PGBD5: variants seen among roughly 807,000 people sequenced by gnomAD.
PGBD5 encodes the protein piggyBac transposable element-derived protein 5.
Under a neutral mutation model 47.9 loss-of-function variants are expected in PGBD5, and 14 were observed. That is an observed-to-expected ratio of 0.29 (90% confidence interval 0.19 to 0.46). PGBD5 has a LOEUF of 0.46. PGBD5 is among the 20% of genes least tolerant of loss of function. The pLI is 1.00. For synonymous variants in PGBD5, 316 were observed against 306.3 expected (o/e 1.03, Z -0.33); for missense variants, 635 against 716.0 (o/e 0.89, Z 1.29).
chr1:230,416,335 ATT>A (rs1450481316), intron 1 of PGBD5, among the ~76,000 whole-genome samples: 2 of 152,042 alleles, frequency 1.3e-5, no homozygotes, highest in Non-Finnish European at 2.9e-5. Context: ...GCTTGTGAAC[ATT>A]TTTTACCGGC....
chr1:230,413,304 T>A (rs1442707092), intron 1 of PGBD5, among the ~76,000 whole-genome samples: 2 of 152,080 alleles, frequency 1.3e-5, no homozygotes, highest in Non-Finnish European at 2.9e-5. Flanking sequence ...CTATTCTGTC[T>A]CAGAGGGAGA....
chr1:230,394,203 G>A (rs964241452), intron 1 of PGBD5, among the ~76,000 whole-genome samples: 4 of 151,912 alleles, frequency 2.6e-5, no homozygotes, highest in Non-Finnish European at 5.9e-5. Context: ...TCTCAGGCCT[G>A]AGGACCAGGG....
At chr1:230,363,729 G>A (rs1667785301) in intron 1 of PGBD5, among the ~76,000 whole-genome samples, 1 of 152,134 alleles carries the variant, frequency 6.6e-6, no homozygotes, top group African/African-American at 2.4e-5. Context: ...GATATAGATA[G>A]AATCAATTAA....
intron 3 of PGBD5, among the ~76,000 whole-genome samples, chr1:230,345,877 G>A (rs1667466509): frequency 6.6e-6 from 1 of 152,164 alleles, no homozygotes; most frequent in Admixed American, 6.5e-5. Flanking sequence ...CTCTTTGGTA[G>A]GTTAGGTGTA....
chr1:230,364,786 C>A (rs1441897647), intron 1 of PGBD5, among the ~76,000 whole-genome samples: 2 of 152,186 alleles, frequency 1.3e-5, no homozygotes, highest in African/African-American at 4.8e-5. Flanking sequence ...GTTGGGAGGC[C>A]AAGGTGGATG....
At position 230,316,473 on chromosome 1, in the gene PGBD5, C is replaced by T. The variant is rs1455595995; in HGVS notation, c.*6952G>A. The T allele has an allele frequency of 6.6e-6, 1 of 152,236 alleles. No homozygotes were observed. The highest frequency in any genetic ancestry group is 1.5e-5 in the Non-Finnish European group (1 of 68,052). 9.4% of individuals were successfully genotyped at this position (152,236 alleles called of 1,614,324 possible). A position where few individuals can be genotyped will look rare whatever the true frequency, so the allele number is the denominator to read the frequency against. On this transcript the variant is annotated 3_prime_UTR_variant, in exon 7 of 7. Coordinates refer to ENST00000391860, the MANE Select transcript of PGBD5 (RefSeq NM_001258311.2). ...GGACTGCATCCCCTGCTTCCATCCC[C>T]TGTTCATTCCTTCCGTGGTCTACCC...
chr1:230,377,486 A>C lies in PGBD5; in HGVS notation c.332-20165T>G, dbSNP rs1209186884. The C allele has an allele frequency of 2.5e-6, 4 of 1,612,356 alleles. No homozygotes were observed. In the Admixed American group the frequency reaches 6.7e-5, roughly 27 times the overall value. ...GCCCAGAGCTGGAAGGGCCTTACTA[A>C]GACAGCTGTACCTGTGAATGAATCG... On this transcript the variant is annotated intron_variant, in intron 1 of 6. Coordinates refer to ENST00000391860, the MANE Select transcript of PGBD5 (RefSeq NM_001258311.2).
chr1:230,330,734 C>T (rs1558190939), intron 5 of PGBD5, among the ~76,000 whole-genome samples: 1 of 150,464 alleles, frequency 6.6e-6, no homozygotes, highest in Non-Finnish European at 1.5e-5. Context: ...GGGGAGGGGA[C>T]CAGGGTCCCT....
chr1:230,332,101 C>CA (rs1206893737), intron 5 of PGBD5, among the ~76,000 whole-genome samples: 2 of 120,518 alleles, frequency 1.7e-5, no homozygotes, highest in Non-Finnish European at 3.2e-5. Flanking sequence ...TGTGAGAGCA[C>CA]AAATCTGCAC....
At chr1:230,359,642 C>A (rs148809050) in intron 1 of PGBD5, among the ~76,000 whole-genome samples, 5 of 152,286 alleles carry the variant, frequency 3.3e-5, no homozygotes, top group African/African-American at 1.2e-4. Context: ...CACAGGAATA[C>A]CTACTTTGAA....
At chr1:230,344,700 G>A (rs1037401101) in intron 3 of PGBD5, among the ~76,000 whole-genome samples, 1 of 152,164 alleles carries the variant, frequency 6.6e-6, no homozygotes, top group Non-Finnish European at 1.5e-5. Context: ...ATGTGTGCAG[G>A]GGGTAGGAAG....
At chr1:230,339,010 C>A (rs994218822) in intron 3 of PGBD5, among the ~76,000 whole-genome samples, 2 of 152,150 alleles carry the variant, frequency 1.3e-5, no homozygotes, top group African/African-American at 2.4e-5. Flanking sequence ...TCCTTCTCAT[C>A]AACACCCACA....
chr1:230,417,807 G>A (rs1430126061), intron 1 of PGBD5, among the ~76,000 whole-genome samples: 1 of 152,160 alleles, frequency 6.6e-6, no homozygotes, highest in Non-Finnish European at 1.5e-5. Flanking sequence ...GAACCCCAGG[G>A]GACATGTCTA....
chr1:230,391,318 G>A (rs983632192), intron 1 of PGBD5, among the ~76,000 whole-genome samples: 5 of 152,274 alleles, frequency 3.3e-5, no homozygotes, highest in Admixed American at 6.5e-5. Context: ...CAGAAATTGC[G>A]CATGGGATTA....
At chr1:230,343,325 T>G (rs1022605470) in intron 3 of PGBD5, among the ~76,000 whole-genome samples, 1 of 152,206 alleles carries the variant, frequency 6.6e-6, no homozygotes, top group African/African-American at 2.4e-5. Flanking sequence ...TACACACTCA[T>G]GTCTGTGCAG....
chr1:230,335,910 CAA>C (rs1420234225), intron 4 of PGBD5, among the ~76,000 whole-genome samples: 2 of 150,602 alleles, frequency 1.3e-5, no homozygotes, highest in African/African-American at 2.4e-5. Flanking sequence ...CATACAGACA[CAA>C]AGACACAGAC....
chr1:230,416,994 A>T (rs1657531721), intron 1 of PGBD5, among the ~76,000 whole-genome samples: 1 of 152,196 alleles, frequency 6.6e-6, no homozygotes, highest in South Asian at 2.1e-4. Context: ...CAATGATATA[A>T]GAAGTGGAAG....
At chr1:230,366,668 TAA>T (rs1373485478) in intron 1 of PGBD5, among the ~76,000 whole-genome samples, 1 of 152,152 alleles carries the variant, frequency 6.6e-6, no homozygotes, top group East Asian at 1.9e-4. Context: ...TCCTTGTTGG[TAA>T]AATGAAGACA....
chr1:230,329,387 A>G (rs1023547003), intron 5 of PGBD5, among the ~76,000 whole-genome samples: 2 of 152,250 alleles, frequency 1.3e-5, no homozygotes, highest in Non-Finnish European at 2.9e-5. Flanking sequence ...ACCTAGTTAC[A>G]TATTTCCTAA....
Sources: allele counts gnomAD v4.1 joint callset (sites outside exome capture counted in the v4.1 genomes callset), GRCh38; gene constraint gnomAD v4.1.1; transcripts MANE v1.5; gene names NCBI Gene and HGNC (gene_info 2026-07-23, HGNC 2026-07-21).